The following DPP10 variants were observed in gnomAD, a reference collection of about 807,000 sequenced individuals.
The protein encoded by DPP10 is inactive dipeptidyl peptidase 10.
DPP10 carries 33 observed loss-of-function variants against 120.9 expected under a neutral mutation model. That is an observed-to-expected ratio of 0.27 (90% CI 0.21 to 0.37). The LOEUF is 0.37. Ranked by LOEUF, DPP10 falls within the 10% of genes least tolerant of loss-of-function variation. DPP10 has a pLI of 1.00. For missense variants in DPP10, 816 were observed against 942.8 expected (o/e 0.87, Z 1.76); for synonymous variants, 337 against 326.1 (o/e 1.03, Z -0.36).
intron 1 of DPP10, among the ~76,000 whole-genome samples, chr2:114,466,400 T>G (rs6756707): frequency 5.3e-5 from 8 of 152,148 alleles, no homozygotes; most frequent in African/African-American, 1.7e-4. Context: ...CAAATCATCA[T>G]GGAAAGGATG....
intron 1 of DPP10, among the ~76,000 whole-genome samples, chr2:115,133,145 G>GTGTGTGTGTGTATA (rs1338395575): frequency 2.1e-4 from 6 of 28,772 alleles, no homozygotes; most frequent in African/African-American, 7.6e-4. Context: ...GTGTGTGTGT[G>GTGTGTGTGTGTATA]TATATATATA....
intron 1 of DPP10, among the ~76,000 whole-genome samples, chr2:114,915,793 T>C (rs1021413324): frequency 2.0e-5 from 3 of 152,136 alleles, no homozygotes; most frequent in Non-Finnish European, 4.4e-5. Flanking sequence ...TTGAAACTAA[T>C]GAAAACAAAG....
chr2:115,491,855 A>G (rs539438926), intron 3 of DPP10, among the ~76,000 whole-genome samples: 8 of 152,284 alleles, frequency 5.3e-5, no homozygotes, highest in African/African-American at 1.9e-4. Flanking sequence ...AAGGCAAGCC[A>G]TAGACTTAAA....
At chr2:115,158,123 G>A (rs762409332) in intron 1 of DPP10, among the ~76,000 whole-genome samples, 1 of 152,184 alleles carries the variant, frequency 6.6e-6, no homozygotes, top group Non-Finnish European at 1.5e-5. Flanking sequence ...TGTTTTTAGA[G>A]TAAATTTTGG....
intron 1 of DPP10, among the ~76,000 whole-genome samples, chr2:114,843,660 A>G (rs75888156): frequency 0.087 from 13,187 of 152,094 alleles, 692 homozygotes; most frequent in Non-Finnish European, 0.11. Flanking sequence ...TCTTTTCTTC[A>G]ATTGTTGTAA....
Position 115,534,101 on chromosome 2 carries a change from T to C in DPP10, c.441+8129T>C, listed in dbSNP as rs577658295. On this transcript the variant is annotated intron_variant, in intron 5 of 25. Transcript: ENST00000410059. ...AAACAACACACTTTTATTTATTTTT[T>C]TATTTTTTATTTTTTTTTATTATTA... Among the ~76,000 whole-genome samples the C allele has an allele frequency of 2.1e-5, 3 of 140,104 alleles. No homozygotes were observed. In the East Asian group the frequency reaches 6.4e-4, roughly 30 times the overall value. 91.9% of individuals were successfully genotyped at this position (140,104 alleles called of 152,430 possible).
intron 1 of DPP10, among the ~76,000 whole-genome samples, chr2:114,677,187 T>C (rs1698728915): frequency 6.6e-6 from 1 of 152,150 alleles, no homozygotes; most frequent in Non-Finnish European, 1.5e-5. Context: ...TTGTTTCAGC[T>C]TCATCACAGG....
intron 1 of DPP10, among the ~76,000 whole-genome samples, chr2:114,488,259 C>T (rs1009085776): frequency 6.6e-6 from 1 of 152,128 alleles, no homozygotes; most frequent in Non-Finnish European, 1.5e-5. Flanking sequence ...GTGGGACTTC[C>T]TGGGTTTGAA....
intron 5 of DPP10, among the ~76,000 whole-genome samples, chr2:115,582,030 A>C (rs1013130249): frequency 7.2e-5 from 11 of 152,158 alleles, no homozygotes; most frequent in Admixed American, 5.2e-4. Flanking sequence ...GTTTATTAAA[A>C]AGTTTTAGAG....
rs2090806862 is a variant in DPP10 at position 115,683,699 on chromosome 2, C to A, written c.442-5988C>A. Among the ~76,000 whole-genome samples the A allele has an allele frequency of 2.0e-5, 3 of 151,934 alleles. No individual in the cohort carries two copies. In the South Asian group the frequency reaches 6.2e-4, roughly 31 times the overall value. ...TAAAACATAAAATAAAAATAAAAAA[C>A]CTGAATTTTATATTCGTAATCTTCA... On this transcript the variant is annotated intron_variant, in intron 5 of 25. Coordinates refer to ENST00000410059, the MANE Select transcript of DPP10 (RefSeq NM_020868.6).
At chr2:114,728,865 A>G (rs935954871) in intron 1 of DPP10, among the ~76,000 whole-genome samples, 1 of 152,194 alleles carries the variant, frequency 6.6e-6, no homozygotes, top group Non-Finnish European at 1.5e-5. Flanking sequence ...TAAAACAAAG[A>G]AATGCTTTAA....
chr2:114,832,520 C>T (rs573124671), intron 1 of DPP10, among the ~76,000 whole-genome samples: 14 of 152,198 alleles, frequency 9.2e-5, no homozygotes, highest in African/African-American at 3.1e-4. Context: ...GGCGACAGAG[C>T]GAGACTCCGT....
intron 2 of DPP10, among the ~76,000 whole-genome samples, chr2:115,323,256 G>A (rs1216367359): frequency 6.6e-6 from 1 of 152,172 alleles, no homozygotes; most frequent in Non-Finnish European, 1.5e-5. Context: ...TCCATGTCAA[G>A]AAACTGCTCC....
At chr2:114,903,608 T>C (rs1238132164) in intron 1 of DPP10, among the ~76,000 whole-genome samples, 1 of 152,246 alleles carries the variant, frequency 6.6e-6, no homozygotes, top group East Asian at 1.9e-4. Context: ...TCAATTAGAC[T>C]GCATTATATC....
chr2:115,262,763 C>G (rs2105761013), intron 1 of DPP10, among the ~76,000 whole-genome samples: 1 of 152,192 alleles, frequency 6.6e-6, no homozygotes, highest in South Asian at 2.1e-4. Context: ...ATGTATTCTC[C>G]CTTTTACTGT....
intron 1 of DPP10, among the ~76,000 whole-genome samples, chr2:115,080,353 G>A (rs1222216689): frequency 2.0e-5 from 3 of 152,124 alleles, no homozygotes; most frequent in Non-Finnish European, 4.4e-5. Context: ...ATAAAGTGAA[G>A]GATGTAACTT....
intron 7 of DPP10, among the ~76,000 whole-genome samples, chr2:115,713,075 G>A (rs1328694747): frequency 6.6e-6 from 1 of 151,768 alleles, no homozygotes; most frequent in East Asian, 1.9e-4. Flanking sequence ...AAATCTGATT[G>A]GAATGAACCT....
At chr2:114,913,692 C>T (rs1020734493) in intron 1 of DPP10, among the ~76,000 whole-genome samples, 6 of 152,136 alleles carry the variant, frequency 3.9e-5, no homozygotes, top group Non-Finnish European at 8.8e-5. Flanking sequence ...TATAGTAGCT[C>T]CCAGCAATGG....
intron 1 of DPP10, among the ~76,000 whole-genome samples, chr2:114,651,362 T>C (rs920562845): frequency 1.3e-5 from 2 of 152,160 alleles, no homozygotes; most frequent in Admixed American, 6.5e-5. Context: ...CATGGAACTT[T>C]TGCGTGAGTG....
Sources: gnomAD v4.1 joint callset for allele counts (sites outside exome capture counted in the v4.1 genomes callset) on GRCh38, gnomAD v4.1.1 for gene constraint, MANE v1.5 for transcripts, NCBI Gene and HGNC (gene_info 2026-07-23, HGNC 2026-07-21) for gene names.